Variants in SHPRH observed in about 807,000 individuals in gnomAD.
SHPRH encodes E3 ubiquitin-protein ligase SHPRH.
In SHPRH, 106 loss-of-function variants were observed where a neutral mutation model predicts 202.5. That is an observed-to-expected ratio of 0.52 (90% CI 0.45 to 0.62). SHPRH has a LOEUF of 0.62. Ranked by LOEUF, SHPRH falls within the 20% of genes least tolerant of loss-of-function variation. SHPRH has a pLI of 0.00. For synonymous variants in SHPRH, 729 were observed against 686.0 expected, an observed-to-expected ratio of 1.06 and a Z score of -0.98; for missense variants, 1,710 against 2,020.0, an observed-to-expected ratio of 0.85 and a Z score of 2.94.
rs1232751468 is a variant in SHPRH, at chr6:145,884,984, CAAAG to C, written c.*1703_*1706del. On this transcript the variant is annotated 3_prime_UTR_variant, in exon 30 of 30. Coordinates refer to ENST00000275233, the MANE Select transcript of SHPRH (RefSeq NM_001042683.3). ...AGAAAGGAATAGTAGAAAACAAACA[CAAAG>C]AAATACTGAAATAGTCTCATTTTTA... is the stretch of plus-strand genomic sequence containing the variant. 6.6e-6 allele frequency: 1 copy of C among 152,012 alleles called. No homozygotes were observed. The highest frequency in any genetic ancestry group is 1.9e-4 in the East Asian group (1 of 5,180). 9.4% of individuals were successfully genotyped at this position (152,012 alleles called of 1,614,324 possible).
intron 2 of SHPRH, among the ~76,000 whole-genome samples, chr6:145,953,515 A>G (rs1476837266): frequency 6.6e-6 from 1 of 152,060 alleles, no homozygotes; most frequent in African/African-American, 2.4e-5. Context: ...ACATAGTTTC[A>G]CTGTACAGGG....
At chr6:145,932,710 C>A (rs1329954423) in intron 14 of SHPRH, among the ~76,000 whole-genome samples, 1 of 152,032 alleles carries the variant, frequency 6.6e-6, no homozygotes, top group Non-Finnish European at 1.5e-5. Context: ...AAAATTTAAC[C>A]ATTTTTCTAT....
intron 28 of SHPRH, among the ~76,000 whole-genome samples, chr6:145,890,426 C>T (rs1423298877): frequency 6.6e-6 from 1 of 152,180 alleles, no homozygotes; most frequent in Non-Finnish European, 1.5e-5. Flanking sequence ...CCTTATCTTC[C>T]TTGACATTTT....
At chr6:145,927,692 T>A (rs1181616047) in intron 14 of SHPRH, among the ~76,000 whole-genome samples, 2 of 151,792 alleles carry the variant, frequency 1.3e-5, no homozygotes, top group Non-Finnish European at 2.9e-5. Flanking sequence ...ATAGATTATT[T>A]ATTAAAAAAA....
chr6:145,882,719 G>A (rs1473350885), downstream of SHPRH, among the ~76,000 whole-genome samples: 1 of 152,172 alleles, frequency 6.6e-6, no homozygotes, highest in South Asian at 2.1e-4. Context: ...ATCAGAAGAG[G>A]CATGAGGTGC....
chr6:145,930,216 G>T (rs528773582), intron 14 of SHPRH, among the ~76,000 whole-genome samples: 14 of 152,050 alleles, frequency 9.2e-5, no homozygotes, highest in Admixed American at 7.9e-4. Context: ...AACTACAGAC[G>T]GGCTACTCAA....
In SHPRH at chr6:145,918,220, G is replaced by A. The variant is rs1784118905; in HGVS notation, c.4165C>T (p.Arg1389Ter). 7.6e-6 allele frequency: 12 copies of A among 1,569,890 alleles called. No homozygotes were observed. The highest frequency in any genetic ancestry group is 1.4e-5 in the African/African-American group (1 of 72,310). ...IIEPHEVEQN[R>*]IKLLNDKAVA... ...GCTTTATCATTTAGTAGTTTTATTC[G>A]GTTTTGTTCTACCTAAAGAAAATAA... is the stretch of plus-strand genomic sequence containing the variant. The change falls in exon 23 of 30, where the codon CGA (arginine) becomes TGA (stop). Residue 1389 changes from arginine to a stop codon, truncating the protein, a stop_gained. Coordinates refer to ENST00000275233, the MANE Select transcript of SHPRH (RefSeq NM_001042683.3). LOFTEE classifies it high-confidence loss of function.
chr6:145,941,752 G>C lies in SHPRH; in HGVS notation c.2361C>G (p.Ser787Arg). The part of the protein sequence containing the change: ...SELNYVDIPH[S>R]NSEDGRRLRN... ...GTAGGCGACGCCCATCCTCACTATTGCTATGTGGGATATCGACATAATTTA... is the reference window on the plus strand; with the variant it reads ...GTAGGCGACGCCCATCCTCACTATTCCTATGTGGGATATCGACATAATTTA... The change falls in exon 10 of 30, where the codon AGC (serine) becomes AGG (arginine). Residue 787 changes from serine (S) to arginine (R), a missense_variant. This residue lies in a region of SHPRH where 277 missense variants were observed against 363.0 expected (regional missense o/e 0.76). Coordinates refer to ENST00000275233, the MANE Select transcript of SHPRH (RefSeq NM_001042683.3). The C allele has an allele frequency of 6.2e-7, 1 of 1,613,958 alleles. No homozygotes were observed. The highest frequency in any genetic ancestry group is 8.5e-7 in the Non-Finnish European group (1 of 1,179,968).
intron 25 of SHPRH, chr6:145,903,722 T>C (rs1421407170): frequency 1.3e-5 from 2 of 152,098 alleles, no homozygotes; most frequent in Non-Finnish European, 1.5e-5. Flanking sequence ...AAATTTCTTA[T>C]TATCTAAGAC....
chr6:145,903,352 AC>A (rs1302832000), intron 25 of SHPRH: 1 of 151,680 alleles, frequency 6.6e-6, no homozygotes, highest in Non-Finnish European at 1.5e-5. Context: ...TAAAAAAAAA[AC>A]AGAATAGAAT....
rs540366997 is a variant in SHPRH, at chr6:145,873,693, G to GAGGA, written c.222-9206_222-9203dup. ...TTTAGTGTCTCAGTAACAGTTGCTA[G>GAGGA]AGGAAGGAAGGAAGGAAGGAAGGGA... On this transcript the variant is annotated intron_variant, in intron 2 of 2. Coordinates refer to the SHPRH transcript ENST00000417762. Among the ~76,000 whole-genome samples, 23 of 106,408 alleles carry GAGGA rather than the reference G, an allele frequency of 2.2e-4. 1 individual carries two copies. Among genetic ancestry groups the GAGGA allele is most frequent in the South Asian group, 7.6e-4 (2 of 2,646 alleles). The allele number at this position is 106,408 out of a possible 152,430, so 69.8% of individuals were successfully genotyped here.
Position 145,931,890 on chromosome 6 carries a change from CTTT to C in SHPRH, c.3112+1164_3112+1166del, listed in dbSNP as rs55660510. 1.7e-4 allele frequency among the ~76,000 whole-genome samples: 24 copies of C among 144,076 alleles called. No individual in the cohort carries two copies. The East Asian group carries it at 3.2e-3, about 19-fold the overall frequency. The allele number at this position is 144,076 out of a possible 152,430, so 94.5% of individuals were successfully genotyped here. On this transcript the variant is annotated intron_variant, in intron 14 of 29. Coordinates refer to ENST00000275233, the MANE Select transcript of SHPRH (RefSeq NM_001042683.3). ...ATGATATAAAACCCACAATATATTT[CTTT>C]TTTTTTTTTTTCCTTTGGGGACTCC...
At chr6:145,899,772 T>C (rs1342243365) in intron 25 of SHPRH, among the ~76,000 whole-genome samples, 3 of 152,138 alleles carry the variant, frequency 2.0e-5, no homozygotes, top group African/African-American at 7.2e-5. Flanking sequence ...AAGGAGTTAT[T>C]ATCCAAAATA....
downstream of SHPRH, chr6:145,883,975 G>A (rs1008449662): frequency 1.3e-5 from 2 of 152,124 alleles, no homozygotes; most frequent in Non-Finnish European, 2.9e-5. Context: ...AGGTTGTCTC[G>A]TCGTTTAATA....
At chr6:145,932,954 G>T in intron 14 of SHPRH, 103 bp downstream of exon 14, 1 of 1,255,950 alleles carries the variant, frequency 8.0e-7, no homozygotes, top group Non-Finnish European at 1.1e-6. Context: ...GTATCTTTTT[G>T]GGGGAAAAAT....
chr6:145,890,197 T>C (rs1781460251), intron 28 of SHPRH, among the ~76,000 whole-genome samples: 1 of 152,194 alleles, frequency 6.6e-6, no homozygotes, highest in African/African-American at 2.4e-5. Flanking sequence ...TTAAAGCTTG[T>C]ACTGTGAAGG....
chr6:145,919,239 T>C, intron 22 of SHPRH, 109 bp downstream of exon 22: 1 of 1,401,892 alleles, frequency 7.1e-7, no homozygotes, highest in South Asian at 1.4e-5. Context: ...GGAGATTAAA[T>C]ACACACTTAC....
chr6:145,919,250 A>G lies in SHPRH; in HGVS notation c.4152+98T>C, dbSNP rs1784216194. 3.4e-6 allele frequency: 5 copies of G among 1,479,578 alleles called. No individual in the cohort carries two copies. The South Asian group carries it at 6.4e-5, about 19-fold the overall frequency. 91.7% of individuals were successfully genotyped at this position (1,479,578 alleles called of 1,614,324 possible). A position where few individuals can be genotyped will look rare whatever the true frequency, so the allele number is the denominator to read the frequency against. On this transcript the variant is annotated intron_variant, in intron 22 of 29. Coordinates refer to ENST00000275233, the MANE Select transcript of SHPRH (RefSeq NM_001042683.3). ...AAATGGAGATTAAATACACACTTAC[A>G]GTAGAGCTCAGTGCCCTGATTCTGC...
At position 145,935,357 on chromosome 6, in the gene SHPRH, C is replaced by A; in HGVS notation, c.2654G>T (p.Cys885Phe). The change falls in exon 12 of 30, where the codon TGC (cysteine) becomes TTC (phenylalanine). Residue 885 changes from cysteine (C) to phenylalanine (F), a missense_variant. Cys to Phe is a radical substitution (Grantham distance 205). Around this residue, in one of 8 missense-constraint regions of SHPRH, gnomAD observed 277 missense variants for 363.0 expected, o/e 0.76. Transcript: ENST00000275233. ...GTAGAGATGCTGAGGATTCTTCTTG[C>A]AGTAAGGCCGATAGAGAAGTCGAAC... Reference protein sequence around the residue: ...WWVRLLYRPYCKKNPQHLYSF... With the variant: ...WWVRLLYRPYFKKNPQHLYSF... 6.2e-7 allele frequency: 1 copy of A among 1,613,960 alleles called. No homozygotes were observed. Among genetic ancestry groups the A allele is most frequent in the Admixed American group, 1.7e-5 (1 of 59,998 alleles).
Sources: gnomAD v4.1 joint callset for allele counts (sites outside exome capture counted in the v4.1 genomes callset) on GRCh38, gnomAD v4.1.1 for gene constraint, gnomAD v4.1.1 regional missense constraint, MANE v1.5 for transcripts, NCBI Gene and HGNC (gene_info 2026-07-23, HGNC 2026-07-21) for gene names.